TBC1D19: variants seen among roughly 807,000 people sequenced by gnomAD.
TBC1D19 encodes the protein TBC1 domain family member 19, also known as TBC1 domain family, member 19.
A neutral mutation model predicts 89.0 loss-of-function variants in TBC1D19; 60 were observed. That is an observed-to-expected ratio of 0.67 (90% CI 0.55 to 0.84). The LOEUF is 0.84. Ranked by LOEUF, TBC1D19 falls within the 40% of genes least tolerant of loss-of-function variation. The pLI is 0.00. For synonymous variants in TBC1D19, 189 were observed against 199.7 expected (o/e 0.95, Z 0.45); for missense variants, 500 against 610.8 (o/e 0.82, Z 1.91).
At chr4:26,673,550 T>C (rs531224543) in intron 10 of TBC1D19, among the ~76,000 whole-genome samples, 2 of 151,140 alleles carry the variant, frequency 1.3e-5, no homozygotes, top group African/African-American at 4.9e-5. Flanking sequence ...TCCCTCCTTA[T>C]CCACACTGGG....
At chr4:26,652,888 G>A (rs1419139722) in intron 7 of TBC1D19, among the ~76,000 whole-genome samples, 6 of 152,076 alleles carry the variant, frequency 3.9e-5, no homozygotes, top group Non-Finnish European at 8.8e-5. Context: ...TCTGATCTTA[G>A]TTATTTCTTG....
chr4:26,756,768 C>T (rs1719276279), downstream of TBC1D19, among the ~76,000 whole-genome samples: 1 of 152,198 alleles, frequency 6.6e-6, no homozygotes, highest in Non-Finnish European at 1.5e-5. Context: ...TGCACAACTT[C>T]ATTAGCATTT....
chr4:26,731,395 G>C (rs144070872), intron 15 of TBC1D19, among the ~76,000 whole-genome samples: 13 of 152,088 alleles, frequency 8.5e-5, no homozygotes, highest in African/African-American at 3.1e-4. Flanking sequence ...AGACTGAAGA[G>C]TTAAGTGGTC....
the TBC1D19 span, among the ~76,000 whole-genome samples, chr4:26,848,250 A>C: frequency 1.3e-5 from 2 of 152,242 alleles, no homozygotes; most frequent in African/African-American, 2.4e-5. Context: ...CCCTCTCTGC[A>C]TGGCTACTTG....
intron 2 of TBC1D19, 72 bp downstream of exon 2, chr4:26,613,313 C>T: frequency 1.0e-6 from 1 of 991,896 alleles, no homozygotes; most frequent in Non-Finnish European, 1.5e-6. Context: ...TCTTTAAGCC[C>T]TCAAGCTTGT....
At chr4:26,623,855 A>T (rs1369588085) in intron 4 of TBC1D19, among the ~76,000 whole-genome samples, 2 of 152,096 alleles carry the variant, frequency 1.3e-5, no homozygotes, top group African/African-American at 4.8e-5. Context: ...TTTAATTCAC[A>T]TCCTTATCTT....
At chr4:26,632,861 ACTT>A (rs541544582) in intron 4 of TBC1D19, among the ~76,000 whole-genome samples, 1 of 152,002 alleles carries the variant, frequency 6.6e-6, no homozygotes, top group Admixed American at 6.6e-5. Context: ...TTTTGGCACC[ACTT>A]CTTCTACGTG....
At chr4:26,635,926 A>C (rs1743091966) in intron 4 of TBC1D19, among the ~76,000 whole-genome samples, 1 of 152,108 alleles carries the variant, frequency 6.6e-6, no homozygotes, top group Admixed American at 6.6e-5. Flanking sequence ...TCAGATAAAG[A>C]CTAATGTATT....
chr4:26,606,014 G>T (rs1312394885), intron 1 of TBC1D19, among the ~76,000 whole-genome samples: 4 of 152,056 alleles, frequency 2.6e-5, no homozygotes, highest in Non-Finnish European at 5.9e-5. Context: ...AGCATTCTTG[G>T]GTTCTCAATA....
At chr4:26,720,651 T>C (rs1192207136) in intron 15 of TBC1D19, among the ~76,000 whole-genome samples, 1 of 152,128 alleles carries the variant, frequency 6.6e-6, no homozygotes, top group Non-Finnish European at 1.5e-5. Flanking sequence ...GGTTTTAAGA[T>C]ATGCTTCTTG....
upstream of TBC1D19, among the ~76,000 whole-genome samples, chr4:26,581,246 T>C (rs1024933153): frequency 2.6e-5 from 4 of 152,228 alleles, no homozygotes; most frequent in Non-Finnish European, 5.9e-5. Context: ...CTGGGATACA[T>C]GTGCAGAACG....
chr4:26,619,880 G>A (rs1261758377), intron 3 of TBC1D19, among the ~76,000 whole-genome samples: 1 of 152,054 alleles, frequency 6.6e-6, no homozygotes, highest in African/African-American at 2.4e-5. Context: ...GTCCCACTTT[G>A]GACCAGGAAT....
chr4:26,797,237 AAT>A, the TBC1D19 span, among the ~76,000 whole-genome samples: 1 of 152,152 alleles, frequency 6.6e-6, no homozygotes, highest in African/African-American at 2.4e-5. Context: ...ATATATCAAT[AAT>A]ATTCAAGCTG....
At chr4:26,783,901 C>T in the TBC1D19 span, among the ~76,000 whole-genome samples, 1 of 152,140 alleles carries the variant, frequency 6.6e-6, no homozygotes, top group African/African-American at 2.4e-5. Flanking sequence ...TTATGAGGAG[C>T]ATCCAAGTAT....
chr4:26,700,373 T>C (rs1715216832), intron 13 of TBC1D19, among the ~76,000 whole-genome samples: 1 of 152,172 alleles, frequency 6.6e-6, no homozygotes, highest in Non-Finnish European at 1.5e-5. Flanking sequence ...AGTGCTGAAA[T>C]AAATATTGAA....
chr4:26,792,769 G>A, the TBC1D19 span, among the ~76,000 whole-genome samples: 6 of 152,196 alleles, frequency 3.9e-5, no homozygotes, highest in Non-Finnish European at 8.8e-5. Flanking sequence ...CTATTTCCCT[G>A]CAGTACTGCA....
chr4:26,719,325 G>C (rs1046067459), intron 14 of TBC1D19, among the ~76,000 whole-genome samples: 1 of 151,422 alleles, frequency 6.6e-6, no homozygotes, highest in African/African-American at 2.4e-5. Context: ...TCTTCATTTC[G>C]TCTCTGTCAC....
chr4:26,683,538 G>T (rs1220886835), intron 11 of TBC1D19, 137 bp from the exon 12 acceptor site: 4 of 582,054 alleles, frequency 6.9e-6, no homozygotes, highest in African/African-American at 5.7e-5. Flanking sequence ...CTATTAGTCA[G>T]GCATGAGGGT....
At chr4:26,620,824 A>G (rs1020564302) in intron 4 of TBC1D19, 136 bp downstream of exon 4, 3 of 706,542 alleles carry the variant, frequency 4.2e-6, no homozygotes, top group Admixed American at 3.2e-5. Context: ...TTATGTTAAT[A>G]GTATTTGTAT....
Sources: gnomAD v4.1 joint callset for allele counts (sites outside exome capture counted in the v4.1 genomes callset) on GRCh38, gnomAD v4.1.1 for gene constraint, MANE v1.5 for transcripts, NCBI Gene and HGNC (gene_info 2026-07-23, HGNC 2026-07-21) for gene names.